INPP4B: variants seen among roughly 807,000 people sequenced by gnomAD.
INPP4B encodes inositol polyphosphate 4-phosphatase type II.
INPP4B carries 55 observed loss-of-function variants against 122.5 expected under a neutral mutation model. The ratio of observed to expected loss-of-function variants is 0.45; its 90% CI spans 0.36 to 0.56. The LOEUF (loss-of-function observed/expected upper bound fraction) is 0.56, where lower values mean the gene tolerates loss of function less well. Among genes scored for constraint, INPP4B ranks in the 20% least tolerant of loss-of-function variants. The probability of loss-of-function intolerance (pLI) is 0.00; values close to 1 mark genes in which losing one functional copy is unlikely to be tolerated. For synonymous variants in INPP4B, 403 were observed against 388.7 expected (o/e 1.04, Z -0.43); for missense variants, 1,000 against 1,097.7 (o/e 0.91, Z 1.26).
intron 1 of INPP4B, among the ~76,000 whole-genome samples, chr4:142,747,486 A>G (rs1422251514): frequency 6.6e-6 from 1 of 152,210 alleles, no homozygotes; most frequent in Non-Finnish European, 1.5e-5. Flanking sequence ...ATGCAGAACT[A>G]GAAATACCAT....
chr4:142,683,833 C>T (rs1758977388), intron 2 of INPP4B, among the ~76,000 whole-genome samples: 2 of 151,798 alleles, frequency 1.3e-5, no homozygotes, highest in South Asian at 4.2e-4. Flanking sequence ...AAAAGGAAGA[C>T]CAAAACCATT....
At position 142,351,496 on chromosome 4, in the gene INPP4B, G is replaced by C. The variant is rs551611016; in HGVS notation, c.373-36734C>G. ...TTCAATCACCCTATAGGGGCTGTTA[G>C]AGAAAGCATTTTTGTCCCCATTTCA... On this transcript the variant is annotated intron_variant, in intron 7 of 25. Transcript: ENST00000262992. Among the ~76,000 whole-genome samples the C allele has an allele frequency of 2.6e-4, 40 of 152,076 alleles. No homozygotes were observed. In the South Asian group the frequency reaches 4.8e-3, roughly 18 times the overall value.
At chr4:142,323,053 C>A (rs938153216) in intron 7 of INPP4B, among the ~76,000 whole-genome samples, 1 of 152,170 alleles carries the variant, frequency 6.6e-6, no homozygotes, top group African/African-American at 2.4e-5. Flanking sequence ...CATGTTCAAG[C>A]CATCAAATAT....
intron 2 of INPP4B, among the ~76,000 whole-genome samples, chr4:142,678,088 T>C (rs879450780): frequency 6.6e-5 from 10 of 151,954 alleles, no homozygotes; most frequent in Non-Finnish European, 1.3e-4. Flanking sequence ...ATGGTAACAA[T>C]ATACATTTAT....
chr4:142,248,934 T>C (rs776817891), intron 11 of INPP4B, among the ~76,000 whole-genome samples: 3 of 152,004 alleles, frequency 2.0e-5, no homozygotes, highest in East Asian at 3.9e-4. Flanking sequence ...GTTGTTAACA[T>C]AAAATGATAT....
intron 2 of INPP4B, among the ~76,000 whole-genome samples, chr4:142,669,352 C>T (rs919320118): frequency 1.3e-5 from 2 of 151,928 alleles, no homozygotes; most frequent in Non-Finnish European, 2.9e-5. Flanking sequence ...CCCCCAGTAG[C>T]CAAAGTAATC....
At chr4:142,559,913 T>G (rs1464921454) in intron 2 of INPP4B, among the ~76,000 whole-genome samples, 1 of 152,194 alleles carries the variant, frequency 6.6e-6, no homozygotes, top group Non-Finnish European at 1.5e-5. Context: ...ATGAAATAGT[T>G]TTTATACACT....
intron 2 of INPP4B, among the ~76,000 whole-genome samples, chr4:142,633,736 G>A (rs376594882): frequency 6.6e-6 from 1 of 151,998 alleles, no homozygotes; most frequent in Non-Finnish European, 1.5e-5. Flanking sequence ...AAACACATTA[G>A]AGAATATCAA....
At chr4:142,753,687 A>T (rs77367968) in intron 1 of INPP4B, among the ~76,000 whole-genome samples, 3,751 of 152,198 alleles carry the variant, frequency 0.025, 60 homozygotes, top group Middle Eastern at 0.095. Context: ...TCTCACCTAT[A>T]GTAGAATATG....
At chr4:142,460,540 G>T (rs1816499242) in intron 3 of INPP4B, among the ~76,000 whole-genome samples, 1 of 151,882 alleles carries the variant, frequency 6.6e-6, no homozygotes, top group South Asian at 2.1e-4. Flanking sequence ...CTTTTTTTAA[G>T]AATCCATTTT....
intron 2 of INPP4B, among the ~76,000 whole-genome samples, chr4:142,599,469 C>T (rs1056629080): frequency 4.1e-4 from 63 of 152,210 alleles, no homozygotes; most frequent in African/African-American, 1.4e-3. Flanking sequence ...TGGCACACAG[C>T]CAAAATCAAA....
Position 142,123,386 on chromosome 4 carries a change from G to T in INPP4B, c.1923C>A (p.Ile641=), listed in dbSNP as rs779387885. 7 of 1,612,582 alleles carry T rather than the reference G, an allele frequency of 4.3e-6. No individual in the cohort carries two copies. The South Asian group carries it at 7.7e-5, about 18-fold the overall frequency. Residue 641 remains isoleucine, a synonymous_variant, in exon 20 of 26, where the codon ATC becomes ATA. Transcript: ENST00000262992. Reference sequence around the variant, plus strand: ...GGTCATACAGACTTGTCTGTAATTTGATGATAAAACCACAAACCAATCCAG... The same window carrying T: ...GGTCATACAGACTTGTCTGTAATTTTATGATAAAACCACAAACCAATCCAG... ...ALAGLVCGFI[I]KLQTSLYDPG...
chr4:142,305,744 A>C, intron 8 of INPP4B: 1 of 1,395,784 alleles, frequency 7.2e-7, no homozygotes, highest in African/African-American at 1.5e-5. Flanking sequence ...ATTTTCCCTA[A>C]AAGAAAAGAG....
intron 2 of INPP4B, among the ~76,000 whole-genome samples, chr4:142,678,727 A>C (rs921806175): frequency 6.6e-6 from 1 of 151,962 alleles, no homozygotes; most frequent in African/African-American, 2.4e-5. Flanking sequence ...AAATGCTAGA[A>C]AGATTGTCCT....
chr4:142,193,449 A>G (rs1836851267), intron 14 of INPP4B, among the ~76,000 whole-genome samples: 1 of 152,182 alleles, frequency 6.6e-6, no homozygotes, highest in Non-Finnish European at 1.5e-5. Context: ...GCTACAGTGT[A>G]GAACAGTGTG....
intron 2 of INPP4B, among the ~76,000 whole-genome samples, chr4:142,631,907 A>T (rs1477144538): frequency 6.6e-6 from 1 of 152,158 alleles, no homozygotes; most frequent in African/African-American, 2.4e-5. Context: ...GAGGGAACTT[A>T]CAGACAGAAG....
intron 9 of INPP4B, among the ~76,000 whole-genome samples, chr4:142,294,946 G>C (rs1237924665): frequency 6.6e-6 from 1 of 151,740 alleles, no homozygotes; most frequent in Non-Finnish European, 1.5e-5. Context: ...GGAAAGAGGA[G>C]TGGTGTGGGG....
At chr4:142,520,574 C>T (rs1259572492) in intron 2 of INPP4B, among the ~76,000 whole-genome samples, 2 of 151,748 alleles carry the variant, frequency 1.3e-5, no homozygotes, top group African/African-American at 2.4e-5. Context: ...TGTACCCTTG[C>T]TAACCAATGA....
chr4:142,253,377 C>T (rs559437585), intron 11 of INPP4B, among the ~76,000 whole-genome samples: 10 of 152,312 alleles, frequency 6.6e-5, no homozygotes, highest in South Asian at 6.2e-4. Context: ...GGAACAGCTC[C>T]GGTCTACAGC....
Sources: gnomAD v4.1 joint callset for allele counts (sites outside exome capture counted in the v4.1 genomes callset) on GRCh38, gnomAD v4.1.1 for gene constraint, MANE v1.5 for transcripts, NCBI Gene and HGNC (gene_info 2026-07-23, HGNC 2026-07-21) for gene names.